The following MAPK10 variants were observed in gnomAD, a reference collection of about 807,000 sequenced individuals.
MAPK10 encodes the protein mitogen-activated protein kinase 10.
In MAPK10, 25 loss-of-function variants were observed where a neutral mutation model predicts 59.3. The ratio of observed to expected loss-of-function variants is 0.42; its 90% CI spans 0.31 to 0.59. MAPK10 has a LOEUF of 0.59. Among genes scored for constraint, MAPK10 ranks in the 20% least tolerant of loss-of-function variants. The pLI, the probability that MAPK10 is intolerant of heterozygous loss-of-function variation, is 0.15. For synonymous variants in MAPK10, 190 were observed against 200.5 expected (o/e 0.95, Z 0.44); for missense variants, 351 against 568.9 (o/e 0.62, Z 3.90).
chr4:86,099,249 G>A (rs1297015144), intron 8 of MAPK10: 1 of 152,230 alleles, frequency 6.6e-6, no homozygotes, highest in Non-Finnish European at 1.5e-5. Context: ...CAAGAAAAAA[G>A]ACATATGATG....
chr4:86,225,663 G>A (rs1303383456), intron 2 of MAPK10, among the ~76,000 whole-genome samples: 3 of 152,094 alleles, frequency 2.0e-5, no homozygotes, highest in African/African-American at 7.2e-5. Context: ...TATTTTATCG[G>A]TAACATAACG....
chr4:86,370,051 C>G (rs1421267419), intron 1 of MAPK10, among the ~76,000 whole-genome samples: 1 of 152,154 alleles, frequency 6.6e-6, no homozygotes, highest in Non-Finnish European at 1.5e-5. Context: ...AGATGTAACC[C>G]ACACTTAGAT....
chr4:86,231,421 C>T (rs1165713167), intron 2 of MAPK10, among the ~76,000 whole-genome samples: 1 of 151,716 alleles, frequency 6.6e-6, no homozygotes, highest in Non-Finnish European at 1.5e-5. Context: ...TTTGGGAGGT[C>T]GAGGAGGGCA....
intron 1 of MAPK10, among the ~76,000 whole-genome samples, chr4:86,395,697 A>C (rs1430814974): frequency 6.6e-6 from 1 of 152,160 alleles, no homozygotes. Context: ...AAGTTCTAGA[A>C]GCTGCAGAGC....
At chr4:86,510,923 T>C (rs1387141175) in intron 1 of MAPK10, among the ~76,000 whole-genome samples, 1 of 152,072 alleles carries the variant, frequency 6.6e-6, no homozygotes, top group Non-Finnish European at 1.5e-5. Context: ...TGGTTAAGGG[T>C]ACAAAATACA....
At chr4:86,478,564 T>C (rs932463283) in intron 1 of MAPK10, among the ~76,000 whole-genome samples, 10 of 152,216 alleles carry the variant, frequency 6.6e-5, no homozygotes, top group African/African-American at 2.4e-4. Context: ...ACATATACTT[T>C]CTGCTCCCCG....
intron 1 of MAPK10, among the ~76,000 whole-genome samples, chr4:86,582,047 G>C (rs551964945): frequency 6.6e-6 from 1 of 150,590 alleles, no homozygotes; most frequent in Non-Finnish European, 1.5e-5. Flanking sequence ...GGTGCCAAGT[G>C]TAATAGGAAT....
At chr4:86,578,592 A>C (rs1249798508) in intron 1 of MAPK10, among the ~76,000 whole-genome samples, 1 of 152,190 alleles carries the variant, frequency 6.6e-6, no homozygotes, top group African/African-American at 2.4e-5. Context: ...CACTATTTGA[A>C]TTGTAATATG....
intron 2 of MAPK10, among the ~76,000 whole-genome samples, chr4:86,336,068 AT>A (rs1490103123): frequency 5.9e-5 from 9 of 152,194 alleles, no homozygotes; most frequent in Non-Finnish European, 4.4e-5. Context: ...GAATCAAAAG[AT>A]TTTTTAATAT....
chr4:86,547,867 G>A (rs189365214), intron 1 of MAPK10, among the ~76,000 whole-genome samples: 1 of 152,316 alleles, frequency 6.6e-6, no homozygotes, highest in South Asian at 2.1e-4. Flanking sequence ...TCTGTATTTA[G>A]CTACTCTGGT....
At chr4:86,533,230 T>C (rs1462711088) in intron 1 of MAPK10, among the ~76,000 whole-genome samples, 1 of 152,026 alleles carries the variant, frequency 6.6e-6, no homozygotes, top group Non-Finnish European at 1.5e-5. Context: ...AGTAAAACAC[T>C]GGTTACGAGG....
At chr4:86,342,703 C>T (rs1422468834) in intron 2 of MAPK10, among the ~76,000 whole-genome samples, 4 of 152,158 alleles carry the variant, frequency 2.6e-5, no homozygotes, top group Non-Finnish European at 5.9e-5. Flanking sequence ...CAGTGTTTTC[C>T]TGCCCTTGAG....
At chr4:86,256,395 TAA>T (rs1168628445) in intron 2 of MAPK10, among the ~76,000 whole-genome samples, 1 of 152,204 alleles carries the variant, frequency 6.6e-6, no homozygotes, top group Non-Finnish European at 1.5e-5. Flanking sequence ...AGTTGTTTTA[TAA>T]AAGTTTCCAC....
intron 1 of MAPK10, among the ~76,000 whole-genome samples, chr4:86,577,385 T>C (rs963629471): frequency 1.3e-5 from 2 of 151,874 alleles, no homozygotes; most frequent in African/African-American, 4.8e-5. Flanking sequence ...GAAAAGGACA[T>C]AAGACTCAGA....
intron 10 of MAPK10, 139 bp downstream of exon 10, chr4:86,067,634 T>A: frequency 1.4e-6 from 1 of 699,302 alleles, no homozygotes; most frequent in Non-Finnish European, 2.3e-6. Context: ...CCACCCTATA[T>A]CCCACAAAAA....
chr4:86,353,090 G>T (rs1732437812), intron 2 of MAPK10, among the ~76,000 whole-genome samples: 1 of 152,084 alleles, frequency 6.6e-6, no homozygotes, highest in Non-Finnish European at 1.5e-5. Flanking sequence ...TCCACCAAAA[G>T]ATCCCTTCCT....
chr4:86,454,874 T>C (rs1041912992), upstream of MAPK10, among the ~76,000 whole-genome samples: 1 of 152,108 alleles, frequency 6.6e-6, no homozygotes, highest in African/African-American at 2.4e-5. Flanking sequence ...TTAAGAGATG[T>C]AAGGCAAAAA....
intron 1 of MAPK10, among the ~76,000 whole-genome samples, chr4:86,547,642 C>T (rs562202718): frequency 1.6e-4 from 25 of 152,312 alleles, no homozygotes; most frequent in Admixed American, 1.4e-3. Context: ...GGAATGCCGG[C>T]GGCAGGCAGG....
intron 9 of MAPK10, among the ~76,000 whole-genome samples, chr4:86,074,906 C>T (rs1289876934): frequency 3.0e-5 from 4 of 132,436 alleles, no homozygotes; most frequent in Admixed American, 7.3e-5. Flanking sequence ...ATCTTTGTGG[C>T]GTTCTCTGTA....
Sources: allele counts gnomAD v4.1 joint callset (sites outside exome capture counted in the v4.1 genomes callset), GRCh38; gene constraint gnomAD v4.1.1; transcripts MANE v1.5; gene names NCBI Gene and HGNC (gene_info 2026-07-23, HGNC 2026-07-21).